TLL1: variants seen among roughly 807,000 people sequenced by gnomAD.
TLL1 encodes the protein tolloid like 1, also known as tolloid-like protein 1.
Under a neutral mutation model 128.2 loss-of-function variants are expected in TLL1, and 49 were observed. That is an observed-to-expected ratio of 0.38 (90% CI 0.30 to 0.48). The LOEUF (loss-of-function observed/expected upper bound fraction) is 0.48. Ranked by LOEUF, TLL1 falls within the 20% of genes least tolerant of loss-of-function variation. The pLI is 0.96. For missense variants in TLL1, 1,123 were observed against 1,242.0 expected (o/e 0.90, Z 1.44); for synonymous variants, 454 against 418.8 (o/e 1.08, Z -1.03).
intron 1 of TLL1, among the ~76,000 whole-genome samples, chr4:165,894,408 A>T (rs1041718004): frequency 6.6e-6 from 1 of 152,192 alleles, no homozygotes; most frequent in Non-Finnish European, 1.5e-5. Flanking sequence ...GCAAACTGGT[A>T]CTTAACGGAG....
intron 1 of TLL1, among the ~76,000 whole-genome samples, chr4:165,965,233 ATAAGT>A (rs1320472342): frequency 6.6e-6 from 1 of 152,186 alleles, no homozygotes; most frequent in Non-Finnish European, 1.5e-5. Context: ...TTCTTTGTAG[ATAAGT>A]TTAGATAATT....
At chr4:166,082,587 T>C (rs1048984859) in intron 18 of TLL1, among the ~76,000 whole-genome samples, 2 of 152,176 alleles carry the variant, frequency 1.3e-5, no homozygotes, top group African/African-American at 4.8e-5. Flanking sequence ...ACATTTATAA[T>C]ACAGGAAATT....
intron 19 of TLL1, among the ~76,000 whole-genome samples, chr4:166,093,926 A>ATGGGGCAAAGTGGC (rs1313863583): frequency 2.0e-5 from 3 of 152,098 alleles, no homozygotes; most frequent in South Asian, 2.1e-4. Flanking sequence ...GAGCTCAAAG[A>ATGGGGCAAAGTGGC]TGGGGCAAAG....
At chr4:166,041,616 C>T (rs1739244507) in intron 10 of TLL1, among the ~76,000 whole-genome samples, 1 of 151,978 alleles carries the variant, frequency 6.6e-6, no homozygotes, top group South Asian at 2.1e-4. Flanking sequence ...CATTCTTAAC[C>T]AAGTCATTTC....
chr4:166,076,602 G>A (rs543625151), intron 17 of TLL1, among the ~76,000 whole-genome samples: 1 of 152,050 alleles, frequency 6.6e-6, no homozygotes. Flanking sequence ...CTTCACTACG[G>A]TACATGCTCC....
At chr4:166,045,703 G>A (rs1251028154) in intron 12 of TLL1, among the ~76,000 whole-genome samples, 1 of 151,932 alleles carries the variant, frequency 6.6e-6, no homozygotes, top group Non-Finnish European at 1.5e-5. Context: ...ATTGGTCTTT[G>A]GCTCCTCCTC....
chr4:165,886,959 A>G (rs1313896084), intron 1 of TLL1, among the ~76,000 whole-genome samples: 1 of 152,192 alleles, frequency 6.6e-6, no homozygotes, highest in Non-Finnish European at 1.5e-5. Flanking sequence ...TTAGAGTCAA[A>G]TAACTAAGAT....
chr4:166,103,010 G>C lies in TLL1; in HGVS notation c.*2134G>C, dbSNP rs1742359108. 1 of 151,870 alleles carries C rather than the reference G, an allele frequency of 6.6e-6. No homozygotes were observed. The highest frequency in any genetic ancestry group is 2.4e-5 in the African/African-American group (1 of 41,408). The allele number at this position is 151,870 out of a possible 1,614,324, so 9.4% of individuals were successfully genotyped here. ...ACCCGTGTGCTAGGAATGTGCACTA[G>C]CTCTTTTTAAATTCCATGCTACACT... On this transcript the variant is annotated 3_prime_UTR_variant, in exon 21 of 21. Transcript: ENST00000061240.
rs888517697 is a variant in TLL1 at position 165,971,979 on chromosome 4, T to C, written c.170-17402T>C. Among the ~76,000 whole-genome samples the C allele has an allele frequency of 7.2e-5, 11 of 152,148 alleles. No homozygotes were observed. The East Asian group carries it at 2.1e-3, about 29-fold the overall frequency. On this transcript the variant is annotated intron_variant, in intron 1 of 20. Coordinates refer to ENST00000061240, the MANE Select transcript of TLL1 (RefSeq NM_012464.5). ...ACAGCAACATTCTCTTCCAGCTTTG[T>C]GTAGCCTACGTATAAGTAGAACCAT...
At chr4:165,950,226 A>G (rs991021958) in intron 1 of TLL1, among the ~76,000 whole-genome samples, 13 of 152,268 alleles carry the variant, frequency 8.5e-5, no homozygotes, top group African/African-American at 2.4e-4. Flanking sequence ...AACTATTTAT[A>G]TAGGTTTTTT....
intron 5 of TLL1, among the ~76,000 whole-genome samples, chr4:165,997,032 G>A (rs925392515): frequency 6.6e-6 from 1 of 151,822 alleles, no homozygotes; most frequent in Non-Finnish European, 1.5e-5. Flanking sequence ...TGTGTTTTTG[G>A]TGCTAGGAAG....
At chr4:165,949,354 A>C (rs1372725995) in intron 1 of TLL1, among the ~76,000 whole-genome samples, 1 of 152,128 alleles carries the variant, frequency 6.6e-6, no homozygotes, top group African/African-American at 2.4e-5. Context: ...ATGTAGCCCT[A>C]CTAATACCTT....
chr4:166,003,573 A>T lies in TLL1; in HGVS notation c.811+4A>T. On this transcript the variant is annotated splice_donor_region_variant and intron_variant, in intron 6 of 20. Coordinates refer to ENST00000061240, the MANE Select transcript of TLL1 (RefSeq NM_012464.5). Reference sequence around the variant, plus strand: ...ATAAGAGAAAACATCCAGCCAGGTGAGAGGCATAGAATGTGTTGGGTTTAA... The same window carrying T: ...ATAAGAGAAAACATCCAGCCAGGTGTGAGGCATAGAATGTGTTGGGTTTAA... The T allele has an allele frequency of 1.2e-6, 2 of 1,613,836 alleles. No individual in the cohort carries two copies. Among genetic ancestry groups the T allele is most frequent in the Non-Finnish European group, 1.7e-6 (2 of 1,179,778 alleles).
chr4:165,880,530 T>C (rs1294421961), intron 1 of TLL1, among the ~76,000 whole-genome samples: 2 of 152,212 alleles, frequency 1.3e-5, no homozygotes, highest in Non-Finnish European at 2.9e-5. Flanking sequence ...GCTCTAAATA[T>C]ATTATTTTTT....
chr4:165,961,888 A>G (rs977947427), intron 1 of TLL1, among the ~76,000 whole-genome samples: 3 of 152,220 alleles, frequency 2.0e-5, no homozygotes, highest in Admixed American at 2.0e-4. Context: ...GTAGATGCAG[A>G]AAAAGCTTTT....
At chr4:165,915,319 G>A (rs958704019) in intron 1 of TLL1, among the ~76,000 whole-genome samples, 3 of 152,100 alleles carry the variant, frequency 2.0e-5, no homozygotes, top group Admixed American at 6.6e-5. Context: ...AACAAGAATC[G>A]GCTATTTAAA....
Position 166,102,536 on chromosome 4 carries a change from A to T in TLL1, c.*1660A>T, listed in dbSNP as rs1415045043. ...ACTTCTAATTTTGATCAATCCCATTAAAAAAAGGCTCTTTCCTTTAGAGAA... is the reference window on the plus strand; with the variant it reads ...ACTTCTAATTTTGATCAATCCCATTTAAAAAAGGCTCTTTCCTTTAGAGAA... On this transcript the variant is annotated 3_prime_UTR_variant, in exon 21 of 21. Coordinates refer to ENST00000061240, the MANE Select transcript of TLL1 (RefSeq NM_012464.5). 3.9e-5 allele frequency: 6 copies of T among 152,298 alleles called. No homozygotes were observed. The East Asian group carries it at 5.8e-4, about 15-fold the overall frequency. The allele number at this position is 152,298 out of a possible 1,614,324, so 9.4% of individuals were successfully genotyped here. A position where few individuals can be genotyped will look rare whatever the true frequency, so the allele number is the denominator to read the frequency against.
intron 10 of TLL1, among the ~76,000 whole-genome samples, chr4:166,041,457 C>T (rs963649916): frequency 1.4e-4 from 21 of 152,038 alleles, no homozygotes; most frequent in Non-Finnish European, 2.8e-4. Flanking sequence ...CGTGCCACTA[C>T]GCCCAGCTAA....
intron 9 of TLL1, among the ~76,000 whole-genome samples, chr4:166,026,395 A>G (rs1738492217): frequency 6.8e-6 from 1 of 146,270 alleles, no homozygotes; most frequent in East Asian, 2.1e-4. Context: ...TCTGTCAAAA[A>G]CAAAAACAAG....
Sources: allele counts gnomAD v4.1 joint callset (sites outside exome capture counted in the v4.1 genomes callset), GRCh38; gene constraint gnomAD v4.1.1; transcripts MANE v1.5; gene names NCBI Gene and HGNC (gene_info 2026-07-23, HGNC 2026-07-21).